CNTN4: variants seen among roughly 807,000 people sequenced by gnomAD.
The protein encoded by CNTN4 is contactin-4.
In CNTN4, 77 loss-of-function variants were observed where a neutral mutation model predicts 122.5. The observed-to-expected ratio is 0.63, with a 90% CI of 0.52 to 0.76. CNTN4 has a LOEUF of 0.76. Among genes scored for constraint, CNTN4 ranks in the 30% least tolerant of loss-of-function variants. CNTN4 has a pLI of 0.00. For missense variants in CNTN4, 1,256 were observed against 1,259.1 expected (o/e 1.00, Z 0.04); for synonymous variants, 512 against 447.0 (o/e 1.15, Z -1.83).
chr3:2,536,361 G>GTAT (rs2077805361), intron 3 of CNTN4, among the ~76,000 whole-genome samples: 1 of 152,080 alleles, frequency 6.6e-6, no homozygotes, highest in Admixed American at 6.6e-5. Context: ...AATCATCATT[G>GTAT]TATCTCCCCA....
intron 4 of CNTN4, among the ~76,000 whole-genome samples, chr3:2,628,301 A>G (rs2082287653): frequency 6.6e-6 from 1 of 152,206 alleles, no homozygotes; most frequent in Non-Finnish European, 1.5e-5. Flanking sequence ...GCAGCCAGGT[A>G]GGAGGTGCCG....
At chr3:2,756,394 C>G (rs747970343) in intron 6 of CNTN4, among the ~76,000 whole-genome samples, 12 of 152,148 alleles carry the variant, frequency 7.9e-5, no homozygotes, top group Non-Finnish European at 1.3e-4. Context: ...GAGAAGGTGG[C>G]AGTCAGTGAA....
intron 13 of CNTN4, among the ~76,000 whole-genome samples, chr3:2,961,215 A>G (rs56933288): frequency 0.3 from 34,726 of 114,964 alleles, 6,082 homozygotes; most frequent in East Asian, 0.55. Flanking sequence ...GGGCGACAGA[A>G]CGAGACTCCA....
chr3:2,834,755 T>C lies in CNTN4; in HGVS notation c.454+15174T>C, dbSNP rs561257916. On this transcript the variant is annotated intron_variant, in intron 7 of 24. Transcript: ENST00000418658. ...AGAGCCTCAGATTGAGTTAAAAATA[T>C]GATCTAAACAAAATGCAATGATACA... 9.9e-5 allele frequency among the ~76,000 whole-genome samples: 15 copies of C among 152,070 alleles called. No individual in the cohort carries two copies. The East Asian group carries it at 2.7e-3, about 27-fold the overall frequency.
intron 3 of CNTN4, among the ~76,000 whole-genome samples, chr3:2,451,710 C>T (rs190406232): frequency 1.4e-4 from 21 of 151,994 alleles, no homozygotes; most frequent in South Asian, 6.2e-4. Context: ...GAGTTTTTTG[C>T]GCTGATGAAG....
At chr3:2,778,899 G>A (rs1260838488) in intron 6 of CNTN4, among the ~76,000 whole-genome samples, 1 of 152,094 alleles carries the variant, frequency 6.6e-6, no homozygotes, top group South Asian at 2.1e-4. Context: ...AATATTCCCA[G>A]GGCTGTAATG....
intron 4 of CNTN4, among the ~76,000 whole-genome samples, chr3:2,733,526 G>C (rs1331058549): frequency 8.0e-6 from 1 of 125,602 alleles, no homozygotes; most frequent in Non-Finnish European, 1.6e-5. Context: ...TAAAGTGCAT[G>C]TTTGTGTTTT....
chr3:2,482,028 A>G (rs1265868096), intron 3 of CNTN4, among the ~76,000 whole-genome samples: 1 of 152,228 alleles, frequency 6.6e-6, no homozygotes, highest in Non-Finnish European at 1.5e-5. Context: ...GGGTGCTGCT[A>G]TAAAGATAGA....
At position 2,281,777 on chromosome 3, in the gene CNTN4, G is replaced by A. The variant is rs372345596; in HGVS notation, c.-144-57401G>A. Among the ~76,000 whole-genome samples, 56 of 151,998 alleles carry A rather than the reference G, an allele frequency of 3.7e-4. No individual in the cohort carries two copies. The East Asian group carries it at 6.2e-3, about 17-fold the overall frequency. On this transcript the variant is annotated intron_variant, in intron 2 of 24. Coordinates refer to ENST00000418658, the MANE Select transcript of CNTN4 (RefSeq NM_175607.3). ...AATTATAGGAATTAATTAATTTGTC[G>A]AATTGTGTTATTTCTCTGCTCGTCT...
At chr3:2,346,891 A>G (rs1259968007) in intron 3 of CNTN4, among the ~76,000 whole-genome samples, 3 of 152,170 alleles carry the variant, frequency 2.0e-5, no homozygotes, top group Non-Finnish European at 4.4e-5. Context: ...GAAAATTCTC[A>G]TTTATTATTT....
intron 3 of CNTN4, among the ~76,000 whole-genome samples, chr3:2,567,888 A>T (rs570925243): frequency 1.3e-5 from 2 of 152,132 alleles, no homozygotes; most frequent in East Asian, 3.9e-4. Context: ...TTCAGTGATA[A>T]TCTTTTGCTT....
Position 2,672,347 on chromosome 3 carries a change from G to A in CNTN4, c.56-63868G>A, listed in dbSNP as rs1017886772. Among the ~76,000 whole-genome samples the A allele has an allele frequency of 3.9e-5, 6 of 152,296 alleles. No homozygotes were observed. In the East Asian group the frequency reaches 1.2e-3, roughly 29 times the overall value. ...CCTCCCCCAGCCTCGCTGCTGCCTTGCAGTTTGATCTCAGACTGCCGTGCT... is the reference window on the plus strand; with the variant it reads ...CCTCCCCCAGCCTCGCTGCTGCCTTACAGTTTGATCTCAGACTGCCGTGCT... On this transcript the variant is annotated intron_variant, in intron 4 of 24. Coordinates refer to ENST00000418658, the MANE Select transcript of CNTN4 (RefSeq NM_175607.3).
chr3:2,530,175 C>G lies in CNTN4; in HGVS notation c.-88-41241C>G, dbSNP rs532003360. ...TAGGTTGCCTCTCCAACATTTTCAT[C>G]TTGATATGCATTACTTAGAATTCAG... On this transcript the variant is annotated intron_variant, in intron 3 of 24. Coordinates refer to ENST00000418658, the MANE Select transcript of CNTN4 (RefSeq NM_175607.3). Among the ~76,000 whole-genome samples, 6 of 152,204 alleles carry G rather than the reference C, an allele frequency of 3.9e-5. No homozygotes were observed. In the South Asian group the frequency reaches 6.2e-4, roughly 16 times the overall value.
intron 2 of CNTN4, among the ~76,000 whole-genome samples, chr3:2,179,184 A>G (rs1404233838): frequency 6.6e-6 from 1 of 152,130 alleles, no homozygotes; most frequent in Non-Finnish European, 1.5e-5. Context: ...TGTTGAGAGT[A>G]ATCATCATGT....
At chr3:2,512,456 T>G (rs2076915557) in intron 3 of CNTN4, among the ~76,000 whole-genome samples, 1 of 152,210 alleles carries the variant, frequency 6.6e-6, no homozygotes, top group South Asian at 2.1e-4. Flanking sequence ...TCATGCAAGA[T>G]TCATTGTAAA....
intron 2 of CNTN4, among the ~76,000 whole-genome samples, chr3:2,170,140 T>C (rs1482584301): frequency 6.6e-6 from 1 of 151,238 alleles, no homozygotes; most frequent in Non-Finnish European, 1.5e-5. Flanking sequence ...GCTAACACGG[T>C]GAAACCCCGT....
chr3:2,866,657 A>G lies in CNTN4; in HGVS notation c.455-95A>G, dbSNP rs988373715. 3.5e-5 allele frequency: 45 copies of G among 1,291,022 alleles called. 1 individual carries two copies. The highest frequency in any genetic ancestry group is 8.8e-5 in the African/African-American group (6 of 68,410). The allele number at this position is 1,291,022 out of a possible 1,614,324, so 80.0% of individuals were successfully genotyped here. A position where few individuals can be genotyped will look rare whatever the true frequency, so the allele number is the denominator to read the frequency against. Reference sequence around the variant, plus strand: ...GCTGAAAAAGAGTCATTGGACAACAATGTATACATTTTTAACCTGATCATT... The same window carrying G: ...GCTGAAAAAGAGTCATTGGACAACAGTGTATACATTTTTAACCTGATCATT... On this transcript the variant is annotated intron_variant, in intron 7 of 24. Transcript: ENST00000418658.
intron 3 of CNTN4, among the ~76,000 whole-genome samples, chr3:2,466,970 C>CTTTCTTTCTTTTTT (rs1392656721): frequency 8.6e-6 from 1 of 115,812 alleles, no homozygotes; most frequent in African/African-American, 3.4e-5. Context: ...TTCTTTCTTT[C>CTTTCTTTCTTTTTT]TTTTTTTTTT....
At chr3:2,374,204 G>T (rs1207422599) in intron 3 of CNTN4, among the ~76,000 whole-genome samples, 1 of 152,144 alleles carries the variant, frequency 6.6e-6, no homozygotes, top group Non-Finnish European at 1.5e-5. Context: ...TCCATAGATT[G>T]TGGAATGAAT....
Sources: gnomAD v4.1 joint callset for allele counts (sites outside exome capture counted in the v4.1 genomes callset) on GRCh38, gnomAD v4.1.1 for gene constraint, MANE v1.5 for transcripts, NCBI Gene and HGNC (gene_info 2026-07-23, HGNC 2026-07-21) for gene names.